The following TPD52 variants were observed in gnomAD, a reference collection of about 807,000 sequenced individuals.
TPD52 encodes the protein prostate and colon associated protein.
Under a neutral mutation model 31.3 loss-of-function variants are expected in TPD52, and 17 were observed. The ratio of observed to expected loss-of-function variants is 0.54; its 90% CI spans 0.37 to 0.82. The LOEUF (loss-of-function observed/expected upper bound fraction) is 0.82, where lower values mean the gene tolerates loss of function less well. Among genes scored for constraint, TPD52 ranks in the 40% least tolerant of loss-of-function variants. TPD52 has a pLI of 0.00. For synonymous variants in TPD52, 83 were observed against 89.6 expected (o/e 0.93, Z 0.42); for missense variants, 212 against 240.1 (o/e 0.88, Z 0.77).
intron 1 of TPD52, among the ~76,000 whole-genome samples, chr8:80,142,441 A>T (rs1809898533): frequency 6.6e-6 from 1 of 152,240 alleles, no homozygotes; most frequent in Non-Finnish European, 1.5e-5. Context: ...GCAGGTCAGC[A>T]AAAAGGGGAA....
intron 1 of TPD52, among the ~76,000 whole-genome samples, chr8:80,127,896 C>G (rs568825788): frequency 6.6e-6 from 1 of 151,432 alleles, no homozygotes; most frequent in Middle Eastern, 3.4e-3. Context: ...GGTTCTCTCT[C>G]AAAAATAGGA....
chr8:80,122,014 C>T (rs1453283650), intron 1 of TPD52, among the ~76,000 whole-genome samples: 2 of 104,514 alleles, frequency 1.9e-5, no homozygotes, highest in South Asian at 3.2e-4. Context: ...CTTACTTACA[C>T]CTTCAAAAGA....
intron 1 of TPD52, among the ~76,000 whole-genome samples, chr8:80,115,804 G>A (rs1807824315): frequency 6.6e-6 from 1 of 152,156 alleles, no homozygotes; most frequent in Non-Finnish European, 1.5e-5. Flanking sequence ...AAGCCAGAAC[G>A]GAAATGGAGG....
intron 1 of TPD52, among the ~76,000 whole-genome samples, chr8:80,120,458 G>A (rs1178607681): frequency 6.6e-6 from 1 of 151,964 alleles, no homozygotes; most frequent in East Asian, 1.9e-4. Flanking sequence ...TCCAGCCTGA[G>A]CGACAGAGCA....
intron 1 of TPD52, among the ~76,000 whole-genome samples, chr8:80,165,894 G>A (rs1811678667): frequency 6.6e-6 from 1 of 152,100 alleles, no homozygotes; most frequent in South Asian, 2.1e-4. Flanking sequence ...AAAAGGGTAG[G>A]GAGAAATTTT....
At chr8:80,059,173 T>C (rs534612188) in intron 2 of TPD52, among the ~76,000 whole-genome samples, 2 of 151,998 alleles carry the variant, frequency 1.3e-5, no homozygotes, top group South Asian at 4.2e-4. Context: ...AATTCACAAC[T>C]ATGTAATAAT....
intron 1 of TPD52, among the ~76,000 whole-genome samples, chr8:80,118,507 A>G (rs947261739): frequency 6.6e-6 from 1 of 152,274 alleles, no homozygotes; most frequent in Non-Finnish European, 1.5e-5. Flanking sequence ...ACAGAATGTG[A>G]GGAAATACTG....
At chr8:80,121,791 G>A (rs1354407213) in intron 1 of TPD52, among the ~76,000 whole-genome samples, 2 of 152,088 alleles carry the variant, frequency 1.3e-5, no homozygotes, top group Admixed American at 6.5e-5. Context: ...TCCACAGGTA[G>A]CCTGGTTTAT....
intron 1 of TPD52, among the ~76,000 whole-genome samples, chr8:80,125,185 G>C (rs1563644167): frequency 6.6e-6 from 1 of 152,220 alleles, no homozygotes; most frequent in South Asian, 2.1e-4. Flanking sequence ...GAAGATGCAA[G>C]CCTCAGCCCT....
At chr8:80,034,437 C>G (rs1338896604), downstream of TPD52, among the ~76,000 whole-genome samples, 1 of 152,198 alleles carries the variant, frequency 6.6e-6, no homozygotes, top group Non-Finnish European at 1.5e-5. Flanking sequence ...CCATGCTTCC[C>G]TTGCTGCAGC....
intron 1 of TPD52, among the ~76,000 whole-genome samples, chr8:80,150,276 A>G (rs1045995730): frequency 5.9e-5 from 9 of 152,248 alleles, no homozygotes; most frequent in Admixed American, 3.3e-4. Context: ...ACCTCCGCCT[A>G]GATTTCAGAG....
chr8:80,061,569 T>C (rs1169544573), intron 2 of TPD52, among the ~76,000 whole-genome samples: 2 of 150,244 alleles, frequency 1.3e-5, no homozygotes, highest in Non-Finnish European at 3.0e-5. Flanking sequence ...CCTGTAGTCC[T>C]AGCTACTCAG....
chr8:80,062,720 T>C (rs1410612008), intron 2 of TPD52, among the ~76,000 whole-genome samples: 1 of 152,152 alleles, frequency 6.6e-6, no homozygotes, highest in Admixed American at 6.5e-5. Flanking sequence ...CCCAGCACTT[T>C]GGGAGGCTGA....
At chr8:80,169,739 G>A (rs943377495) in intron 1 of TPD52, among the ~76,000 whole-genome samples, 8 of 152,068 alleles carry the variant, frequency 5.3e-5, no homozygotes, top group South Asian at 2.1e-4. Flanking sequence ...GTCCTGCGTC[G>A]CCCCCATTGA....
At chr8:80,151,622 CATA>C in intron 1 of TPD52, among the ~76,000 whole-genome samples, 1 of 152,174 alleles carries the variant, frequency 6.6e-6, no homozygotes, top group Non-Finnish European at 1.5e-5. Context: ...CCAGAATCAG[CATA>C]ATAAGAAAGT....
intron 1 of TPD52, among the ~76,000 whole-genome samples, chr8:80,079,448 A>C (rs1462617457): frequency 1.3e-5 from 2 of 152,248 alleles, no homozygotes; most frequent in African/African-American, 4.8e-5. Flanking sequence ...CGGCAAATAC[A>C]CAAACCTAAA....
At chr8:80,099,037 T>G (rs759259242) in intron 1 of TPD52, among the ~76,000 whole-genome samples, 92 of 152,254 alleles carry the variant, frequency 6.0e-4, no homozygotes, top group African/African-American at 1.7e-3. Flanking sequence ...TGTTTTGTTT[T>G]GTTTTGGGGG....
At chr8:80,170,084 T>C (rs1811977578) in intron 1 of TPD52, among the ~76,000 whole-genome samples, 1 of 152,186 alleles carries the variant, frequency 6.6e-6, no homozygotes, top group African/African-American at 2.4e-5. Flanking sequence ...AGGAAAGAGC[T>C]GAAAGACTCC....
intron 1 of TPD52, among the ~76,000 whole-genome samples, chr8:80,114,460 C>A (rs1807720997): frequency 1.3e-5 from 2 of 151,786 alleles, no homozygotes; most frequent in Admixed American, 6.6e-5. Context: ...ATTGTTATAC[C>A]CCAAAATGCC....
Sources: allele counts gnomAD v4.1 joint callset (sites outside exome capture counted in the v4.1 genomes callset), GRCh38; gene constraint gnomAD v4.1.1; transcripts MANE v1.5; gene names NCBI Gene and HGNC (gene_info 2026-07-23, HGNC 2026-07-21).